BICC1: variants seen among roughly 807,000 people sequenced by gnomAD.
BICC1 encodes BicC family RNA binding protein 1, also known as protein bicaudal C homolog 1.
A neutral mutation model predicts 111.0 loss-of-function variants in BICC1; 43 were observed. The ratio of observed to expected loss-of-function variants is 0.39; its 90% CI spans 0.30 to 0.50. The LOEUF (loss-of-function observed/expected upper bound fraction) is 0.50, where lower values mean the gene tolerates loss of function less well. Among genes scored for constraint, BICC1 ranks in the 20% least tolerant of loss-of-function variants. The pLI is 0.88. For synonymous variants in BICC1, 467 were observed against 434.4 expected, an observed-to-expected ratio of 1.07 and a Z score of -0.93; for missense variants, 1,091 against 1,203.2, an observed-to-expected ratio of 0.91 and a Z score of 1.38.
At chr10:58,801,546 A>G (rs1358955087) in intron 14 of BICC1, among the ~76,000 whole-genome samples, 3 of 151,706 alleles carry the variant, frequency 2.0e-5, no homozygotes, top group Admixed American at 6.6e-5. Context: ...TAAATATTAA[A>G]TATAACTCTT....
At chr10:58,727,635 A>G (rs912854315) in intron 3 of BICC1, among the ~76,000 whole-genome samples, 3 of 152,166 alleles carry the variant, frequency 2.0e-5, no homozygotes, top group African/African-American at 7.2e-5. Context: ...ATACTTAAGA[A>G]TTACAAAAGG....
At chr10:58,580,520 G>GA (rs1193737406) in intron 1 of BICC1, among the ~76,000 whole-genome samples, 4 of 152,120 alleles carry the variant, frequency 2.6e-5, no homozygotes, top group African/African-American at 7.2e-5. Flanking sequence ...CCAAAAATCT[G>GA]AAAAAATCCA....
chr10:58,677,252 T>A (rs1288750195), intron 2 of BICC1, among the ~76,000 whole-genome samples: 1 of 152,182 alleles, frequency 6.6e-6, no homozygotes, highest in Non-Finnish European at 1.5e-5. Flanking sequence ...AACAGACTCC[T>A]CCAAGCTAAA....
intron 2 of BICC1, among the ~76,000 whole-genome samples, chr10:58,673,685 G>A (rs1404744695): frequency 1.3e-5 from 2 of 151,850 alleles, no homozygotes; most frequent in African/African-American, 4.8e-5. Flanking sequence ...GCAGTGGCAC[G>A]ATCTTAGCTC....
chr10:58,827,399 T>C (rs879722180), intron 20 of BICC1, among the ~76,000 whole-genome samples: 8 of 152,106 alleles, frequency 5.3e-5, no homozygotes, highest in Non-Finnish European at 8.8e-5. Context: ...GAATTTACCA[T>C]AGAGCCAGTC....
At chr10:58,583,408 T>A (rs1184121015) in intron 1 of BICC1, among the ~76,000 whole-genome samples, 1 of 152,154 alleles carries the variant, frequency 6.6e-6, no homozygotes, top group African/African-American at 2.4e-5. Context: ...ATTATAACAT[T>A]CTTGTGCCTT....
intron 3 of BICC1, among the ~76,000 whole-genome samples, chr10:58,730,151 A>G (rs1841242599): frequency 6.6e-6 from 1 of 152,216 alleles, no homozygotes; most frequent in Non-Finnish European, 1.5e-5. Flanking sequence ...CAATGAAGGT[A>G]TAGGCATTAG....
intron 1 of BICC1, among the ~76,000 whole-genome samples, chr10:58,574,826 G>A (rs542077682): frequency 2.0e-5 from 3 of 152,076 alleles, no homozygotes; most frequent in South Asian, 2.1e-4. Flanking sequence ...ATTGTTTTAC[G>A]TTTCTGCAAA....
intron 3 of BICC1, among the ~76,000 whole-genome samples, chr10:58,729,259 A>G (rs554663928): frequency 6.6e-6 from 1 of 152,334 alleles, no homozygotes; most frequent in East Asian, 1.9e-4. Flanking sequence ...ATCAATTTTC[A>G]TAGCTAGATC....
At chr10:58,774,141 T>G (rs541235274) in intron 3 of BICC1, among the ~76,000 whole-genome samples, 1 of 152,338 alleles carries the variant, frequency 6.6e-6, no homozygotes, top group Admixed American at 6.5e-5. Flanking sequence ...CATTACGTAT[T>G]CCTGCTCCAG....
chr10:58,667,495 TA>T (rs61458725), intron 2 of BICC1, among the ~76,000 whole-genome samples: 152,009 of 152,014 alleles, frequency 1, 76,002 homozygotes, highest in Middle Eastern at 1. Flanking sequence ...GGAATTCTTA[TA>T]TTTCCCTTTC....
intron 3 of BICC1, among the ~76,000 whole-genome samples, chr10:58,754,548 A>T (rs1278482184): frequency 7.2e-5 from 11 of 152,224 alleles, no homozygotes; most frequent in Non-Finnish European, 1.5e-5. Context: ...TCTTGCAGTT[A>T]CATTCTGATT....
Position 58,798,547 on chromosome 10 carries a change from T to C in BICC1, c.1515T>C (p.Thr505=). ...TATGGGCACCCCCACTTGCTAATAC[T>C]TCAAGTGCCACAGGTCAGTATCATT... The part of the protein sequence containing the change: ...PTLWAPPLAN[T]SSATGFSAIP... The change falls in exon 11 of 21, where the codon ACT becomes ACC. Residue 505 remains threonine (T), a synonymous_variant. Coordinates refer to ENST00000373886, the MANE Select transcript of BICC1 (RefSeq NM_001080512.3). The C allele has an allele frequency of 6.2e-7, 1 of 1,607,746 alleles. No homozygotes were observed. Among genetic ancestry groups the C allele is most frequent in the Non-Finnish European group, 8.5e-7 (1 of 1,177,750 alleles).
At chr10:58,571,322 A>T (rs940155133) in intron 1 of BICC1, among the ~76,000 whole-genome samples, 1 of 152,104 alleles carries the variant, frequency 6.6e-6, no homozygotes, top group Non-Finnish European at 1.5e-5. Flanking sequence ...TTATTTATAT[A>T]ATTTTTATTT....
intron 2 of BICC1, among the ~76,000 whole-genome samples, chr10:58,675,076 G>T (rs1839297507): frequency 6.6e-6 from 1 of 152,174 alleles, no homozygotes; most frequent in Admixed American, 6.5e-5. Flanking sequence ...GATTGTCTTG[G>T]ATTATGGACA....
chr10:58,626,357 T>C (rs1360659989), intron 2 of BICC1, among the ~76,000 whole-genome samples: 1 of 152,232 alleles, frequency 6.6e-6, no homozygotes, highest in African/African-American at 2.4e-5. Context: ...TTCTTTATAC[T>C]ACTGTCTAGA....
intron 2 of BICC1, among the ~76,000 whole-genome samples, chr10:58,670,973 T>C (rs903638603): frequency 1.3e-5 from 2 of 152,176 alleles, no homozygotes; most frequent in Non-Finnish European, 2.9e-5. Context: ...TCCATTTATA[T>C]GATATTCTAG....
intron 1 of BICC1, among the ~76,000 whole-genome samples, chr10:58,574,099 A>G (rs1844040878): frequency 6.6e-6 from 1 of 152,144 alleles, no homozygotes; most frequent in Admixed American, 6.6e-5. Flanking sequence ...CCTCTGGGGT[A>G]TGTTCTCAGC....
intron 1 of BICC1, among the ~76,000 whole-genome samples, chr10:58,599,479 A>T (rs1230845630): frequency 6.6e-6 from 1 of 152,168 alleles, no homozygotes; most frequent in Non-Finnish European, 1.5e-5. Flanking sequence ...GGAGGGGAAC[A>T]TCACACACTG....
Sources: allele counts gnomAD v4.1 joint callset (sites outside exome capture counted in the v4.1 genomes callset), GRCh38; gene constraint gnomAD v4.1.1; transcripts MANE v1.5; gene names NCBI Gene and HGNC (gene_info 2026-07-23, HGNC 2026-07-21).